Variants in STXBP6 observed in about 807,000 individuals in gnomAD.
STXBP6 encodes syntaxin binding protein 6.
In STXBP6, 21 loss-of-function variants were observed where a neutral mutation model predicts 26.9. The ratio of observed to expected loss-of-function variants is 0.78; its 90% CI spans 0.55 to 1.12. The LOEUF is 1.12. Ranked by LOEUF, STXBP6 falls within the 50% of genes most tolerant of loss-of-function variation. The pLI, the probability that STXBP6 is intolerant of heterozygous loss-of-function variation, is 0.00. For missense variants in STXBP6, 232 were observed against 257.9 expected (o/e 0.90, Z 0.69); for synonymous variants, 97 against 92.6 (o/e 1.05, Z -0.27).
chr14:24,811,712 C>T lies in STXBP6; in HGVS notation c.*997G>A, dbSNP rs1207359534. ...AAAACAACATCAAAACCTCCAAAATCCAGATACCAAGAAACTAAAGGCCCT... is the reference window on the plus strand; with the variant it reads ...AAAACAACATCAAAACCTCCAAAATTCAGATACCAAGAAACTAAAGGCCCT... On this transcript the variant is annotated 3_prime_UTR_variant, in exon 6 of 6. Transcript: ENST00000323944. 2 of 152,090 alleles carry T rather than the reference C, an allele frequency of 1.3e-5. No individual in the cohort carries two copies. Among genetic ancestry groups the T allele is most frequent in the Non-Finnish European group, 2.9e-5 (2 of 67,988 alleles). 9.4% of individuals were successfully genotyped at this position (152,090 alleles called of 1,614,324 possible).
intron 2 of STXBP6, among the ~76,000 whole-genome samples, chr14:24,876,500 T>G (rs1322298788): frequency 6.6e-6 from 1 of 152,198 alleles, no homozygotes. Context: ...CTCAATCTCC[T>G]TCCTCTTCTT....
chr14:24,855,213 T>C (rs771658107), intron 4 of STXBP6, among the ~76,000 whole-genome samples: 5 of 152,106 alleles, frequency 3.3e-5, no homozygotes, highest in African/African-American at 4.8e-5. Flanking sequence ...AAGGCAAAGC[T>C]GGTGCATTTT....
At chr14:24,955,623 C>T (rs1385778548) in intron 2 of STXBP6, among the ~76,000 whole-genome samples, 1 of 152,040 alleles carries the variant, frequency 6.6e-6, no homozygotes, top group Non-Finnish European at 1.5e-5. Context: ...ACATATGGCC[C>T]ATGATGAGAT....
At chr14:24,829,525 T>C (rs1295134939) in intron 4 of STXBP6, among the ~76,000 whole-genome samples, 1 of 152,194 alleles carries the variant, frequency 6.6e-6, no homozygotes, top group East Asian at 1.9e-4. Context: ...ATAATCAGCA[T>C]CTTTACCCAT....
At chr14:24,843,208 A>G (rs1235499224) in intron 4 of STXBP6, among the ~76,000 whole-genome samples, 3 of 152,236 alleles carry the variant, frequency 2.0e-5, no homozygotes, top group Non-Finnish European at 4.4e-5. Context: ...AAACTAAAAA[A>G]TTGCCTGGTA....
intron 2 of STXBP6, among the ~76,000 whole-genome samples, chr14:24,945,484 G>A (rs2072955573): frequency 6.6e-6 from 1 of 151,946 alleles, no homozygotes; most frequent in African/African-American, 2.4e-5. Flanking sequence ...ATGGGCAGAT[G>A]GTTTGAGCCC....
In STXBP6 at chr14:24,855,988, G is replaced by A. The variant is rs2069316862; in HGVS notation, c.399C>T (p.Tyr133=). 1.2e-6 allele frequency: 2 copies of A among 1,611,070 alleles called. No individual in the cohort carries two copies. Among genetic ancestry groups the A allele is most frequent in the African/African-American group, 2.7e-5 (2 of 74,746 alleles). ...TAAACTCTGGCTTCCTGTCCGTGAG[G>A]TACCTCTGGCAGGTATGGTGGAGGA... is the stretch of plus-strand genomic sequence containing the variant. ...FQILHHTCQR[Y]LTDRKPEFIN... is the part of the protein sequence containing the mutation. Residue 133 remains tyrosine, a synonymous_variant, in exon 4 of 6, where the codon TAC becomes TAT. Coordinates refer to ENST00000323944, the MANE Select transcript of STXBP6 (RefSeq NM_001394410.1).
intron 4 of STXBP6, among the ~76,000 whole-genome samples, chr14:24,850,337 C>T (rs1288823960): frequency 1.3e-5 from 2 of 152,036 alleles, no homozygotes; most frequent in Non-Finnish European, 2.9e-5. Context: ...ACATCAGAGA[C>T]ATCTGTGTCC....
Position 24,871,557 on chromosome 14 carries a change from C to A in STXBP6, c.155-14400G>T, listed in dbSNP as rs554795682. On this transcript the variant is annotated intron_variant, in intron 2 of 5. Transcript: ENST00000323944. ...TGTGCCAGATGATGCTGTCAGGGGCCAAAGGTTACAAGAACACTCACAATG... is the reference window on the plus strand; with the variant it reads ...TGTGCCAGATGATGCTGTCAGGGGCAAAAGGTTACAAGAACACTCACAATG... Among the ~76,000 whole-genome samples the A allele has an allele frequency of 6.6e-5, 10 of 152,222 alleles. No individual in the cohort carries two copies. The East Asian group carries it at 1.5e-3, about 23-fold the overall frequency.
intron 4 of STXBP6, among the ~76,000 whole-genome samples, chr14:24,851,466 CT>C (rs1291102604): frequency 6.6e-6 from 1 of 151,080 alleles, no homozygotes; most frequent in African/African-American, 2.4e-5. Context: ...CAATTCCCAC[CT>C]ATGAGTGAGA....
chr14:24,844,003 C>T (rs901830003), intron 4 of STXBP6, among the ~76,000 whole-genome samples: 1 of 152,188 alleles, frequency 6.6e-6, no homozygotes, highest in Non-Finnish European at 1.5e-5. Flanking sequence ...TAACTTTCGG[C>T]CCCACCCCCT....
intron 2 of STXBP6, among the ~76,000 whole-genome samples, chr14:24,974,037 C>A (rs2073977176): frequency 6.6e-6 from 1 of 151,326 alleles, no homozygotes. Flanking sequence ...GATTTTATCT[C>A]AAAAATCTTA....
intron 2 of STXBP6, among the ~76,000 whole-genome samples, chr14:24,866,360 G>GGGTGTATATATATGTGCAT: frequency 6.6e-6 from 1 of 152,164 alleles, no homozygotes; most frequent in South Asian, 2.1e-4. Context: ...ATATGTGTGT[G>GGGTGTATATATATGTGCAT]GGTGTATATA....
chr14:24,987,070 G>T (rs1317703402), intron 1 of STXBP6, among the ~76,000 whole-genome samples: 1 of 150,802 alleles, frequency 6.6e-6, no homozygotes, highest in African/African-American at 2.4e-5. Flanking sequence ...TGATAGGAAG[G>T]AAAAAAAAAT....
At chr14:24,930,316 C>T (rs757035923) in intron 2 of STXBP6, among the ~76,000 whole-genome samples, 10 of 152,198 alleles carry the variant, frequency 6.6e-5, no homozygotes, top group Non-Finnish European at 1.3e-4. Flanking sequence ...TGAAGAAAAG[C>T]CACATTTCCT....
intron 1 of STXBP6, among the ~76,000 whole-genome samples, chr14:25,013,330 T>C (rs2075073402): frequency 6.6e-6 from 1 of 152,132 alleles, no homozygotes; most frequent in Non-Finnish European, 1.5e-5. Flanking sequence ...GATGATTGGA[T>C]TGGCTAGATT....
chr14:24,898,977 T>G (rs1190135603), intron 2 of STXBP6, among the ~76,000 whole-genome samples: 2 of 152,124 alleles, frequency 1.3e-5, no homozygotes, highest in African/African-American at 4.8e-5. Context: ...CCATTGCTGA[T>G]CAGCTTGGCC....
At chr14:25,002,328 C>G (rs2074779176) in intron 1 of STXBP6, among the ~76,000 whole-genome samples, 1 of 149,360 alleles carries the variant, frequency 6.7e-6, no homozygotes, top group Non-Finnish European at 1.5e-5. Flanking sequence ...TAATTTATGA[C>G]AGAGAATCCC....
rs147520214 is a variant in STXBP6 at position 25,025,552 on chromosome 14, T to C, written c.-33+24326A>G. Among the ~76,000 whole-genome samples the C allele has an allele frequency of 7.9e-5, 12 of 152,330 alleles. 1 individual carries two copies. The highest frequency in any genetic ancestry group is 7.8e-4 in the Admixed American group (12 of 15,298). Reference sequence around the variant, plus strand: ...AACATCATGTCCAAACAGTGTAAGATGTAGAATTAAGAGACCTGATGCAGC... The same window carrying C: ...AACATCATGTCCAAACAGTGTAAGACGTAGAATTAAGAGACCTGATGCAGC... On this transcript the variant is annotated intron_variant, in intron 1 of 5. Coordinates refer to ENST00000323944, the MANE Select transcript of STXBP6 (RefSeq NM_001394410.1).
Sources: allele counts gnomAD v4.1 joint callset (sites outside exome capture counted in the v4.1 genomes callset), GRCh38; gene constraint gnomAD v4.1.1; transcripts MANE v1.5; gene names NCBI Gene and HGNC (gene_info 2026-07-23, HGNC 2026-07-21).